The following AGBL4 variants were observed in gnomAD, a reference collection of about 807,000 sequenced individuals.
The protein encoded by AGBL4 is cytosolic carboxypeptidase 6.
Under a neutral mutation model 66.4 loss-of-function variants are expected in AGBL4, and 58 were observed. The observed-to-expected ratio is 0.87, with a 90% CI of 0.71 to 1.09. AGBL4 has a LOEUF of 1.09. Ranked by LOEUF, AGBL4 falls within the 50% of genes least tolerant of loss-of-function variation. The pLI, the probability that AGBL4 is intolerant of heterozygous loss-of-function variation, is 0.00. For missense variants in AGBL4, 579 were observed against 631.0 expected, an observed-to-expected ratio of 0.92 and a Z score of 0.88; for synonymous variants, 234 against 222.9, an observed-to-expected ratio of 1.05 and a Z score of -0.44.
chr1:49,412,595 AAAACAAACAAAAAC>A (rs1419912737), intron 3 of AGBL4, among the ~76,000 whole-genome samples: 4 of 152,130 alleles, frequency 2.6e-5, no homozygotes, highest in African/African-American at 7.2e-5. Context: ...CATTCTCCAC[AAAACAAACAAAAAC>A]AAACAAACAA....
At chr1:49,707,205 G>A (rs1447798814) in intron 2 of AGBL4, among the ~76,000 whole-genome samples, 2 of 152,006 alleles carry the variant, frequency 1.3e-5, no homozygotes, top group African/African-American at 4.8e-5. Context: ...CTAAGAACTT[G>A]CTTTAAGAAT....
chr1:49,278,936 T>C (rs575374704), intron 3 of AGBL4, among the ~76,000 whole-genome samples: 1 of 152,334 alleles, frequency 6.6e-6, no homozygotes, highest in South Asian at 2.1e-4. Context: ...TCATCACTAA[T>C]GCAATGCTCA....
chr1:49,620,556 A>G (rs1024397633), intron 3 of AGBL4, among the ~76,000 whole-genome samples: 5 of 152,140 alleles, frequency 3.3e-5, no homozygotes, highest in African/African-American at 1.2e-4. Flanking sequence ...GGAAGACAAT[A>G]TGGTGATTCT....
At chr1:48,747,415 C>A (rs948649262) in intron 6 of AGBL4, among the ~76,000 whole-genome samples, 2 of 152,118 alleles carry the variant, frequency 1.3e-5, no homozygotes, top group Admixed American at 6.5e-5. Context: ...ATTCATGAAC[C>A]CATTCATCAC....
At chr1:48,727,825 A>G in intron 6 of AGBL4, 1 of 1,492,278 alleles carries the variant, frequency 6.7e-7, no homozygotes, top group Non-Finnish European at 9.2e-7. Flanking sequence ...GGACGGCACC[A>G]TCGCTCGCAA....
chr1:49,371,755 T>C (rs1204724234), intron 3 of AGBL4, among the ~76,000 whole-genome samples: 1 of 152,004 alleles, frequency 6.6e-6, no homozygotes, highest in Admixed American at 6.6e-5. Flanking sequence ...TCAAAGCATC[T>C]GGATACCATT....
intron 11 of AGBL4, among the ~76,000 whole-genome samples, chr1:48,549,466 AGGAGAG>A (rs376882312): frequency 3.4e-4 from 51 of 152,172 alleles, no homozygotes; most frequent in Non-Finnish European, 6.6e-4. Flanking sequence ...GAGAGGGAGA[AGGAGAG>A]GGAGAGGGAG....
At chr1:48,767,150 T>A (rs886959586) in intron 6 of AGBL4, among the ~76,000 whole-genome samples, 1 of 152,200 alleles carries the variant, frequency 6.6e-6, no homozygotes, top group Non-Finnish European at 1.5e-5. Flanking sequence ...GTCTTTTGAA[T>A]CAGGTGGTCC....
intron 4 of AGBL4, among the ~76,000 whole-genome samples, chr1:49,147,419 G>C (rs962045205): frequency 2.0e-5 from 3 of 152,174 alleles, no homozygotes; most frequent in Non-Finnish European, 4.4e-5. Flanking sequence ...GCTTGAGAGA[G>C]AGAGAGAACA....
intron 11 of AGBL4, among the ~76,000 whole-genome samples, chr1:48,565,492 T>A (rs1644462410): frequency 6.6e-6 from 1 of 152,174 alleles, no homozygotes; most frequent in African/African-American, 2.4e-5. Flanking sequence ...GGCATTATAG[T>A]CTTCAAAACA....
At chr1:49,900,306 C>T (rs1352965653) in intron 1 of AGBL4, among the ~76,000 whole-genome samples, 2 of 151,778 alleles carry the variant, frequency 1.3e-5, no homozygotes, top group Admixed American at 6.6e-5. Flanking sequence ...AGTGCAATGG[C>T]GCAGTCTCGG....
chr1:49,931,736 G>A (rs908762336), intron 1 of AGBL4, among the ~76,000 whole-genome samples: 48 of 152,164 alleles, frequency 3.2e-4, no homozygotes, highest in African/African-American at 1.1e-3. Context: ...AAATTCCACT[G>A]AGTATCATTT....
At chr1:49,781,991 C>T (rs920179626) in intron 2 of AGBL4, among the ~76,000 whole-genome samples, 1 of 151,924 alleles carries the variant, frequency 6.6e-6, no homozygotes, top group Non-Finnish European at 1.5e-5. Flanking sequence ...AAATTTATAA[C>T]TTTAAGCTCT....
rs868272216 is a variant in AGBL4, at chr1:49,133,751, C to A, written c.378-87951G>T. 2.0e-5 allele frequency among the ~76,000 whole-genome samples: 3 copies of A among 152,004 alleles called. No homozygotes were observed. In the South Asian group the frequency reaches 6.2e-4, roughly 31 times the overall value. On this transcript the variant is annotated intron_variant, in intron 4 of 13. Coordinates refer to ENST00000371839, the MANE Select transcript of AGBL4 (RefSeq NM_032785.4). ...ATTTATCCTCAGGAAACAATTAAAA[C>A]TGCATAGAAATTCACATGCAAAAAT...
chr1:49,007,040 G>A (rs1331568161), intron 5 of AGBL4, among the ~76,000 whole-genome samples: 5 of 97,230 alleles, frequency 5.1e-5, no homozygotes, highest in African/African-American at 8.4e-5. Context: ...CGACTTTGAC[G>A]AGCTGAGAGA....
intron 2 of AGBL4, among the ~76,000 whole-genome samples, chr1:49,839,625 T>C (rs1480579069): frequency 3.3e-5 from 5 of 152,166 alleles, no homozygotes; most frequent in Non-Finnish European, 7.3e-5. Context: ...CATTTTAACT[T>C]TGGTTGCATA....
At chr1:48,819,544 T>A (rs1482395702) in intron 6 of AGBL4, among the ~76,000 whole-genome samples, 1 of 152,144 alleles carries the variant, frequency 6.6e-6, no homozygotes, top group Admixed American at 6.5e-5. Flanking sequence ...TTGTGGGGGA[T>A]ACAGATACAG....
chr1:49,211,474 G>T (rs1398962170), intron 4 of AGBL4, among the ~76,000 whole-genome samples: 1 of 152,056 alleles, frequency 6.6e-6, no homozygotes, highest in South Asian at 2.1e-4. Context: ...CAATCTTATA[G>T]GGTTTTTATG....
intron 4 of AGBL4, among the ~76,000 whole-genome samples, chr1:49,118,038 A>C (rs1645567245): frequency 6.6e-6 from 1 of 152,138 alleles, no homozygotes; most frequent in Admixed American, 6.6e-5. Flanking sequence ...GGTGTATAGG[A>C]ATGCTTGTGA....
Sources: allele counts gnomAD v4.1 joint callset (sites outside exome capture counted in the v4.1 genomes callset), GRCh38; gene constraint gnomAD v4.1.1; transcripts MANE v1.5; gene names NCBI Gene and HGNC (gene_info 2026-07-23, HGNC 2026-07-21).